The following PCDHGA3 variants were observed in gnomAD, a reference collection of about 807,000 sequenced individuals.
PCDHGA3 encodes protocadherin gamma-A3.
In PCDHGA3, 40 loss-of-function variants were observed where a neutral mutation model predicts 58.5. The observed-to-expected ratio is 0.68, with a 90% CI of 0.53 to 0.89. The LOEUF (loss-of-function observed/expected upper bound fraction) is 0.89. PCDHGA3 is among the 40% of genes least tolerant of loss of function. PCDHGA3 has a pLI of 0.00. For missense variants in PCDHGA3, 1,223 were observed against 1,195.9 expected, an observed-to-expected ratio of 1.02 and a Z score of -0.33; for synonymous variants, 530 against 525.7, an observed-to-expected ratio of 1.01 and a Z score of -0.11.
chr5:141,362,642 T>A, intron 1 of PCDHGA3: 1 of 1,462,416 alleles, frequency 6.8e-7, no homozygotes, highest in African/African-American at 1.4e-5. Context: ...TTTCTTTGTC[T>A]GTGAGTTAGA....
chr5:141,485,609 G>T lies in PCDHGA3; in HGVS notation c.2425-9198G>T. On this transcript the variant is annotated intron_variant, in intron 1 of 3. Coordinates refer to ENST00000253812, the MANE Select transcript of PCDHGA3 (RefSeq NM_018916.4). The surrounding 1 kb of genome is among the most constrained non-coding windows in gnomAD (Gnocchi z 5.7). ...GCTGGACTTGGAAATTGGGGAGGCA[G>T]CTCCTCCAGGACAGCGTTTCCCGTT... The T allele has an allele frequency of 6.2e-7, 1 of 1,612,256 alleles. No homozygotes were observed. Among genetic ancestry groups the T allele is most frequent in the Non-Finnish European group, 8.5e-7 (1 of 1,178,656 alleles).
At position 141,431,052 on chromosome 5, in the gene PCDHGA3, G is replaced by A. The variant is rs148326556; in HGVS notation, c.2425-63755G>A. On this transcript the variant is annotated intron_variant, in intron 1 of 3. Transcript: ENST00000253812. The surrounding 1 kb of genome is among the most constrained non-coding windows in gnomAD (Gnocchi z 4.8). Reference sequence around the variant, plus strand: ...ATAGACCGGGAGGAGCTCTGTATGGGGGCCATCAAGTGTCAATTAAATCTA... The same window carrying A: ...ATAGACCGGGAGGAGCTCTGTATGGAGGCCATCAAGTGTCAATTAAATCTA... 2 of 1,614,228 alleles carry A rather than the reference G, an allele frequency of 1.2e-6. No individual in the cohort carries two copies. The highest frequency in any genetic ancestry group is 1.7e-6 in the Non-Finnish European group (2 of 1,180,044).
At chr5:141,468,960 T>TC (rs1562019766) in intron 1 of PCDHGA3, among the ~76,000 whole-genome samples, 1 of 151,348 alleles carries the variant, frequency 6.6e-6, no homozygotes, top group African/African-American at 2.4e-5. Flanking sequence ...TGGTTTTTTT[T>TC]ACCTTAGGCT....
At chr5:141,385,018 T>TTCGTCC in intron 1 of PCDHGA3, 1 of 1,614,144 alleles carries the variant, frequency 6.2e-7, no homozygotes, top group Non-Finnish European at 8.5e-7. Flanking sequence ...CTTCCTAGCC[T>TTCGTCC]TCGTCCTCGT....
At chr5:141,389,498 A>T (rs376900362) in intron 1 of PCDHGA3, 6 of 1,612,928 alleles carry the variant, frequency 3.7e-6, no homozygotes, top group African/African-American at 1.3e-5. Context: ...AGGGCTCGCC[A>T]GCGCTCAGCG....
At chr5:141,472,668 C>T (rs2099292239) in intron 1 of PCDHGA3, among the ~76,000 whole-genome samples, 1 of 151,742 alleles carries the variant, frequency 6.6e-6, no homozygotes, top group African/African-American at 2.4e-5. Context: ...ATCCTGTATA[C>T]TGGTCCTTCC....
At chr5:141,507,171 C>T (rs183042063) in intron 3 of PCDHGA3, 3 of 152,462 alleles carry the variant, frequency 2.0e-5, no homozygotes, top group South Asian at 2.1e-4. Context: ...AGGCTGTCCT[C>T]TTCCTCGAGC....
At chr5:141,497,223 T>C (rs921763195) in intron 2 of PCDHGA3, among the ~76,000 whole-genome samples, 1 of 151,762 alleles carries the variant, frequency 6.6e-6, no homozygotes, top group Admixed American at 6.6e-5. Context: ...GGGGGGAAGA[T>C]CAGAGAAGGC....
chr5:141,356,170 G>T (rs528806463), intron 1 of PCDHGA3: 1 of 1,612,922 alleles, frequency 6.2e-7, no homozygotes, highest in Non-Finnish European at 8.5e-7. Flanking sequence ...AGCCCATGAT[G>T]GGCCTGGTCT....
rs70988802 is a variant in PCDHGA3 at position 141,450,006 on chromosome 5, C to CTA, written c.2425-44800_2425-44799insAT. ...CACATTGCATTTAGTTGCCATGTCT[C>CTA]TTTTTTTTTTTTTTTTTTGAGACAG... On this transcript the variant is annotated intron_variant, in intron 1 of 3. Coordinates refer to ENST00000253812, the MANE Select transcript of PCDHGA3 (RefSeq NM_018916.4). Among the ~76,000 whole-genome samples the CTA allele has an allele frequency of 6.0e-5, 8 of 132,986 alleles. 1 individual carries two copies. The highest frequency in any genetic ancestry group is 9.5e-5 in the Non-Finnish European group (6 of 62,926). The allele number at this position is 132,986 out of a possible 152,430, so 87.2% of individuals were successfully genotyped here. A position where few individuals can be genotyped will look rare whatever the true frequency, so the allele number is the denominator to read the frequency against.
chr5:141,420,963 A>T, intron 1 of PCDHGA3: 1 of 430,262 alleles, frequency 2.3e-6, no homozygotes, highest in Non-Finnish European at 4.1e-6. Flanking sequence ...TAGTCGTTGC[A>T]ATAATAAGAA....
chr5:141,395,057 T>A (rs2093157144), intron 1 of PCDHGA3: 1 of 1,614,042 alleles, frequency 6.2e-7, no homozygotes, highest in Non-Finnish European at 8.5e-7. Context: ...AGGTACAGGC[T>A]TTCCTGCAGA....
intron 1 of PCDHGA3, among the ~76,000 whole-genome samples, chr5:141,474,311 G>T (rs1374954373): frequency 1.3e-5 from 2 of 152,134 alleles, no homozygotes. Context: ...AAACTTTAAT[G>T]TGTTTTCAAA....
chr5:141,360,460 G>A, intron 1 of PCDHGA3: 1 of 1,613,936 alleles, frequency 6.2e-7, no homozygotes, highest in Non-Finnish European at 8.5e-7. Context: ...TTTCGATACT[G>A]TCGCTGAAAA....
At chr5:141,410,715 G>C (rs1237496496) in intron 1 of PCDHGA3, 1 of 1,422,664 alleles carries the variant, frequency 7.0e-7, no homozygotes, top group Non-Finnish European at 9.4e-7. Context: ...AGAATCATAT[G>C]TTTAAAATCC....
At position 141,489,425 on chromosome 5, in the gene PCDHGA3, G is replaced by C. The variant is rs779739693; in HGVS notation, c.2425-5382G>C. On this transcript the variant is annotated intron_variant, in intron 1 of 3. Transcript: ENST00000253812. This position sits in a 1 kb window ranked among gnomAD's most constrained non-coding sequence, Gnocchi z 4.5. ...TTAAAGATGACAGATCTGTTGAGCC[G>C]GCGGCTGCAATTGGGCTCTGAGGAG... The C allele has an allele frequency of 4.3e-6, 7 of 1,614,118 alleles. No individual in the cohort carries two copies. The highest frequency in any genetic ancestry group is 1.1e-5 in the South Asian group (1 of 91,070).
chr5:141,419,943 C>G (rs2096450865), intron 1 of PCDHGA3: 4 of 1,614,070 alleles, frequency 2.5e-6, no homozygotes, highest in Non-Finnish European at 3.4e-6. Flanking sequence ...CTGGTGGTGG[C>G]CTTGGCCTTG....
chr5:141,415,590 A>G lies in PCDHGA3; in HGVS notation c.2424+69133A>G, dbSNP rs201666137. On this transcript the variant is annotated intron_variant, in intron 1 of 3. Transcript: ENST00000253812. ...TGTTAGATGATTCGAAGTTTCCTAT[A>G]GAGGATACCCCATTGGTTCCAGTGA... 60 of 1,613,946 alleles carry G rather than the reference A, an allele frequency of 3.7e-5. 1 individual carries two copies. The African/African-American group carries it at 7.2e-4, about 19-fold the overall frequency.
chr5:141,428,846 A>G (rs936271540), intron 1 of PCDHGA3: 1 of 143,414 alleles, frequency 7.0e-6, no homozygotes, highest in Non-Finnish European at 1.5e-5. Flanking sequence ...CATTTTCACC[A>G]TTTTTACGGG....
Sources: allele counts gnomAD v4.1 joint callset (sites outside exome capture counted in the v4.1 genomes callset), GRCh38; gene constraint gnomAD v4.1.1; non-coding constraint Gnocchi (gnomAD v3.1); transcripts MANE v1.5; gene names NCBI Gene and HGNC (gene_info 2026-07-23, HGNC 2026-07-21).